SGCD: variants seen among roughly 807,000 people sequenced by gnomAD.
The protein encoded by SGCD is delta-sarcoglycan.
In SGCD, 18 loss-of-function variants were observed where a neutral mutation model predicts 36.6. The ratio of observed to expected loss-of-function variants is 0.49; its 90% CI spans 0.34 to 0.73. The LOEUF is 0.73. SGCD is among the 30% of genes least tolerant of loss of function. SGCD has a pLI of 0.01. For missense variants in SGCD, 387 were observed against 346.7 expected (o/e 1.12, Z -0.92); for synonymous variants, 133 against 130.6 (o/e 1.02, Z -0.12).
At chr5:156,737,166 C>A (rs1425851456) in intron 7 of SGCD, among the ~76,000 whole-genome samples, 1 of 152,140 alleles carries the variant, frequency 6.6e-6, no homozygotes, top group East Asian at 1.9e-4. Flanking sequence ...TTAAGTACTT[C>A]CTCAATTTTA....
At chr5:156,329,995 C>T (rs1322779563) in intron 2 of SGCD, among the ~76,000 whole-genome samples, 1 of 121,484 alleles carries the variant, frequency 8.2e-6, no homozygotes, top group African/African-American at 3.3e-5. Flanking sequence ...CCAGCCTGGG[C>T]GACAGAGCAA....
chr5:156,138,816 A>G (rs1594651), intron 3 of SGCD, among the ~76,000 whole-genome samples: 14,416 of 152,214 alleles, frequency 0.095, 1,293 homozygotes, highest in East Asian at 0.47. Context: ...TATTTGAAAG[A>G]TCCAATTATT....
chr5:155,730,140 T>C, the SGCD span, among the ~76,000 whole-genome samples: 1 of 152,174 alleles, frequency 6.6e-6, no homozygotes. Context: ...TAGAAAACTC[T>C]GCACCCTCCA....
chr5:155,838,299 A>G, the SGCD span, among the ~76,000 whole-genome samples: 26 of 152,296 alleles, frequency 1.7e-4, no homozygotes, highest in East Asian at 4.8e-3. Flanking sequence ...AATTTGTTCA[A>G]ATTAGGATTC....
chr5:155,835,039 T>C, the SGCD span, among the ~76,000 whole-genome samples: 1 of 132,924 alleles, frequency 7.5e-6, no homozygotes, highest in African/African-American at 3.0e-5. Flanking sequence ...ACAGAGTCTT[T>C]CTCTGTCACC....
intron 1 of SGCD, among the ~76,000 whole-genome samples, chr5:155,882,676 C>T (rs1755913736): frequency 6.6e-6 from 1 of 152,010 alleles, no homozygotes; most frequent in African/African-American, 2.4e-5. Flanking sequence ...CAGTAGGTCT[C>T]AAGAGTGGAC....
At chr5:155,984,096 A>G (rs775168130) in intron 1 of SGCD, among the ~76,000 whole-genome samples, 2 of 152,218 alleles carry the variant, frequency 1.3e-5, no homozygotes, top group Non-Finnish European at 2.9e-5. Context: ...AATCATAACC[A>G]TGATTATTTG....
chr5:155,748,794 T>C, the SGCD span, among the ~76,000 whole-genome samples: 1 of 152,210 alleles, frequency 6.6e-6, no homozygotes, highest in Admixed American at 6.5e-5. Context: ...CTATACTTCC[T>C]GAGACTCATG....
intron 1 of SGCD, among the ~76,000 whole-genome samples, chr5:156,027,723 T>C (rs1759255176): frequency 6.6e-6 from 1 of 152,220 alleles, no homozygotes; most frequent in African/African-American, 2.4e-5. Context: ...TACATCAGTC[T>C]ACATTCAACA....
chr5:155,843,401 T>C, the SGCD span, among the ~76,000 whole-genome samples: 2 of 149,934 alleles, frequency 1.3e-5, no homozygotes, highest in Admixed American at 6.6e-5. Context: ...CTCTCACTTA[T>C]GCTCACACAC....
At chr5:156,008,874 TTCTC>T (rs1758804045) in intron 1 of SGCD, among the ~76,000 whole-genome samples, 1 of 152,210 alleles carries the variant, frequency 6.6e-6, no homozygotes, top group Admixed American at 6.5e-5. Context: ...CTTATTTGCT[TTCTC>T]ATTAATGAAT....
intron 7 of SGCD, among the ~76,000 whole-genome samples, chr5:156,722,137 C>T (rs1197054485): frequency 3.3e-5 from 5 of 152,188 alleles, no homozygotes. Flanking sequence ...GAACGCCATT[C>T]TGCTGACTAA....
chr5:156,707,103 CAT>C (rs1272110715), intron 7 of SGCD, among the ~76,000 whole-genome samples: 1 of 152,134 alleles, frequency 6.6e-6, no homozygotes, highest in African/African-American at 2.4e-5. Context: ...CATAAAAATG[CAT>C]AGTCATAGAT....
chr5:156,021,380 C>T (rs1022299006), intron 1 of SGCD, among the ~76,000 whole-genome samples: 4 of 152,098 alleles, frequency 2.6e-5, no homozygotes, highest in African/African-American at 9.7e-5. Flanking sequence ...ATTAGCCAAG[C>T]ATGGTGGTGT....
intron 3 of SGCD, among the ~76,000 whole-genome samples, chr5:156,485,674 G>A (rs927799883): frequency 7.9e-5 from 12 of 152,142 alleles, no homozygotes; most frequent in Non-Finnish European, 1.3e-4. Context: ...AAAAAAAATC[G>A]CTGTGTGTGG....
intron 3 of SGCD, among the ~76,000 whole-genome samples, chr5:156,222,058 G>T (rs984655595): frequency 2.0e-5 from 3 of 151,990 alleles, no homozygotes; most frequent in Non-Finnish European, 2.9e-5. Flanking sequence ...ATTTTGCATG[G>T]CTCCATATGG....
chr5:156,068,004 A>C (rs536468320), intron 1 of SGCD, among the ~76,000 whole-genome samples: 3 of 151,206 alleles, frequency 2.0e-5, no homozygotes, highest in Admixed American at 1.3e-4. Context: ...TTCTTTCTTT[A>C]GAAATTTTGT....
At chr5:156,505,176 T>G (rs1756643109) in intron 3 of SGCD, among the ~76,000 whole-genome samples, 1 of 152,210 alleles carries the variant, frequency 6.6e-6, no homozygotes, top group Non-Finnish European at 1.5e-5. Context: ...TTGCCGTGTT[T>G]CCCTTTGTTG....
intron 3 of SGCD, among the ~76,000 whole-genome samples, chr5:156,224,185 A>T (rs1764789661): frequency 6.6e-6 from 1 of 151,860 alleles, no homozygotes. Flanking sequence ...GTGCAGGGAG[A>T]TAGAGAGCCT....
Sources: allele counts gnomAD v4.1 joint callset (sites outside exome capture counted in the v4.1 genomes callset), GRCh38; gene constraint gnomAD v4.1.1; transcripts MANE v1.5; gene names NCBI Gene and HGNC (gene_info 2026-07-23, HGNC 2026-07-21).